Variants in LRRTM4 observed in about 807,000 individuals in gnomAD.
The protein encoded by LRRTM4 is leucine-rich repeat transmembrane neuronal protein 4.
Under a neutral mutation model 47.6 loss-of-function variants are expected in LRRTM4, and 25 were observed. The observed-to-expected ratio is 0.53, with a 90% CI of 0.38 to 0.73. The LOEUF (loss-of-function observed/expected upper bound fraction) is 0.73. Ranked by LOEUF, LRRTM4 falls within the 30% of genes least tolerant of loss-of-function variation. The pLI is 0.00. For missense variants in LRRTM4, 638 were observed against 713.4 expected (o/e 0.89, Z 1.20); for synonymous variants, 311 against 269.5 (o/e 1.15, Z -1.51).
At chr2:77,246,182 T>C (rs1429086542) in intron 3 of LRRTM4, among the ~76,000 whole-genome samples, 1 of 152,152 alleles carries the variant, frequency 6.6e-6, no homozygotes, top group Non-Finnish European at 1.5e-5. Context: ...CAGTGGCTGA[T>C]CAACAGTTTG....
chr2:77,427,759 G>C (rs1017160380), intron 3 of LRRTM4, among the ~76,000 whole-genome samples: 7 of 152,162 alleles, frequency 4.6e-5, no homozygotes, highest in African/African-American at 1.4e-4. Flanking sequence ...TATAACCAAG[G>C]CTCCACTGAA....
intron 3 of LRRTM4, among the ~76,000 whole-genome samples, chr2:76,936,602 GAAAGAA>G (rs1674958892): frequency 2.7e-4 from 38 of 139,610 alleles, no homozygotes; most frequent in African/African-American, 8.9e-4. Flanking sequence ...AAAAAAAAAA[GAAAGAA>G]AAAGAAAAAG....
intron 3 of LRRTM4, among the ~76,000 whole-genome samples, chr2:77,356,553 C>A (rs530200344): frequency 6.6e-6 from 1 of 152,058 alleles, no homozygotes; most frequent in Non-Finnish European, 1.5e-5. Context: ...TGGTTAAAAT[C>A]GAGTACAGGA....
At chr2:76,848,644 T>C (rs1671903625) in intron 3 of LRRTM4, among the ~76,000 whole-genome samples, 1 of 152,118 alleles carries the variant, frequency 6.6e-6, no homozygotes, top group South Asian at 2.1e-4. Context: ...ATCATTTTAT[T>C]CTACTTGAAA....
rs1277672297 is a variant in LRRTM4 at position 77,123,855 on chromosome 2, G to A, written c.1552-374939C>T. ...CCATTATCCTTGGCCTTGACAGTAA[G>A]TGACAGAATTCCTAGCTCATCTTCC... On this transcript the variant is annotated intron_variant, in intron 3 of 3. Coordinates refer to ENST00000409884, the MANE Select transcript of LRRTM4 (RefSeq NM_001134745.3). Among the ~76,000 whole-genome samples, 3 of 152,092 alleles carry A rather than the reference G, an allele frequency of 2.0e-5. No homozygotes were observed. The East Asian group carries it at 5.8e-4, about 29-fold the overall frequency.
intron 3 of LRRTM4, among the ~76,000 whole-genome samples, chr2:76,871,841 C>A (rs1046726119): frequency 6.6e-6 from 1 of 152,192 alleles, no homozygotes; most frequent in Non-Finnish European, 1.5e-5. Flanking sequence ...TGAAGACTAC[C>A]TCTGACAGCC....
chr2:77,351,772 G>A (rs997303835), intron 3 of LRRTM4, among the ~76,000 whole-genome samples: 1 of 151,882 alleles, frequency 6.6e-6, no homozygotes, highest in African/African-American at 2.4e-5. Flanking sequence ...AGAGGAGGAA[G>A]GGGCCAAGTA....
At chr2:77,184,226 T>A (rs1673436308) in intron 3 of LRRTM4, among the ~76,000 whole-genome samples, 1 of 152,002 alleles carries the variant, frequency 6.6e-6, no homozygotes, top group South Asian at 2.1e-4. Flanking sequence ...TAAAAGGAAT[T>A]CTATACCAAA....
intron 3 of LRRTM4, among the ~76,000 whole-genome samples, chr2:77,208,166 A>C (rs2103916185): frequency 6.6e-6 from 1 of 152,172 alleles, no homozygotes; most frequent in East Asian, 1.9e-4. Flanking sequence ...GGCATGAGCC[A>C]CCACGCACCC....
chr2:76,750,175 T>C (rs992208870), intron 3 of LRRTM4, among the ~76,000 whole-genome samples: 4 of 152,240 alleles, frequency 2.6e-5, no homozygotes, highest in Non-Finnish European at 5.9e-5. Flanking sequence ...TCTGGCTATA[T>C]CAATTTATTC....
rs1194575781 is a variant in LRRTM4, at chr2:77,054,641, CATT to C, written c.1552-305728_1552-305726del. On this transcript the variant is annotated intron_variant, in intron 3 of 3. Transcript: ENST00000409884. ...ATTTGACACTCCCAATAAGTACAGA[CATT>C]ATTATGGCCTTTGGCTTAATGACTC... 2.6e-5 allele frequency among the ~76,000 whole-genome samples: 4 copies of C among 152,180 alleles called. No homozygotes were observed. The East Asian group carries it at 7.7e-4, about 29-fold the overall frequency.
At chr2:76,835,474 T>C (rs1383982844) in intron 3 of LRRTM4, among the ~76,000 whole-genome samples, 1 of 152,124 alleles carries the variant, frequency 6.6e-6, no homozygotes, top group Non-Finnish European at 1.5e-5. Flanking sequence ...TATTCTTGCA[T>C]TTAGAGAAAG....
At chr2:77,198,918 C>T (rs552893172) in intron 3 of LRRTM4, among the ~76,000 whole-genome samples, 7 of 152,130 alleles carry the variant, frequency 4.6e-5, no homozygotes, top group South Asian at 4.1e-4. Context: ...CACTACCTTC[C>T]GCAGACTGTA....
chr2:76,925,615 T>A (rs1017999273), intron 3 of LRRTM4, among the ~76,000 whole-genome samples: 4 of 152,278 alleles, frequency 2.6e-5, no homozygotes, highest in Non-Finnish European at 5.9e-5. Flanking sequence ...TTTCCATTTT[T>A]GGTCATATTC....
At chr2:76,954,294 A>G (rs1199899234) in intron 3 of LRRTM4, among the ~76,000 whole-genome samples, 1 of 151,918 alleles carries the variant, frequency 6.6e-6, no homozygotes, top group Non-Finnish European at 1.5e-5. Flanking sequence ...CAAAAAGATG[A>G]CCAATAAGCT....
At chr2:77,263,192 C>G (rs1415652734) in intron 3 of LRRTM4, among the ~76,000 whole-genome samples, 2 of 152,034 alleles carry the variant, frequency 1.3e-5, no homozygotes, top group East Asian at 1.9e-4. Context: ...ATAGAGGTTC[C>G]TTGAGAGTGA....
At chr2:77,314,233 C>T (rs1272127111) in intron 3 of LRRTM4, among the ~76,000 whole-genome samples, 1 of 152,078 alleles carries the variant, frequency 6.6e-6, no homozygotes, top group East Asian at 1.9e-4. Context: ...TATAACTCTT[C>T]ATACTGTAGG....
intron 3 of LRRTM4, among the ~76,000 whole-genome samples, chr2:77,357,599 T>C (rs1672015510): frequency 6.6e-6 from 1 of 152,192 alleles, no homozygotes; most frequent in African/African-American, 2.4e-5. Flanking sequence ...CACTCTATGC[T>C]GGGAGCTATA....
At chr2:77,132,773 T>C (rs1671837193) in intron 3 of LRRTM4, among the ~76,000 whole-genome samples, 1 of 152,166 alleles carries the variant, frequency 6.6e-6, no homozygotes, top group South Asian at 2.1e-4. Context: ...CTCTTAGTAA[T>C]TTGGCTCTTA....
Sources: gnomAD v4.1 joint callset for allele counts (sites outside exome capture counted in the v4.1 genomes callset) on GRCh38, gnomAD v4.1.1 for gene constraint, MANE v1.5 for transcripts, NCBI Gene and HGNC (gene_info 2026-07-23, HGNC 2026-07-21) for gene names.